SMIM36: variants seen among roughly 807,000 people sequenced by gnomAD.
SMIM36 encodes the protein small integral membrane protein 36.
the SMIM36 span, among the ~76,000 whole-genome samples, chr17:55,522,845 A>T: frequency 6.6e-6 from 1 of 152,162 alleles, no homozygotes; most frequent in African/African-American, 2.4e-5. Context: ...AGTTCCATGA[A>T]GGCAGGAAGT....
chr17:55,501,805 C>G (rs1292158465), intron 1 of SMIM36, among the ~76,000 whole-genome samples: 1 of 151,324 alleles, frequency 6.6e-6, no homozygotes, highest in Non-Finnish European at 1.5e-5. Flanking sequence ...TTCTGCATTT[C>G]CATCTGAGGT....
intron 1 of SMIM36, among the ~76,000 whole-genome samples, chr17:55,493,486 G>A (rs1015605671): frequency 7.2e-5 from 11 of 152,136 alleles, no homozygotes; most frequent in African/African-American, 2.7e-4. Flanking sequence ...CTATTTTCCT[G>A]ATAGTTCAGT....
intron 1 of SMIM36, among the ~76,000 whole-genome samples, chr17:55,490,552 T>G (rs1224999296): frequency 2.0e-5 from 3 of 152,160 alleles, no homozygotes; most frequent in Non-Finnish European, 4.4e-5. Context: ...TGATATGGTC[T>G]CAGAGTGAGA....
intron 1 of SMIM36, among the ~76,000 whole-genome samples, chr17:55,485,204 G>C (rs1013780883): frequency 2.6e-5 from 4 of 152,162 alleles, no homozygotes; most frequent in African/African-American, 9.7e-5. Context: ...ATTTTATGGA[G>C]ACTGTCTACC....
chr17:55,507,291 C>T (rs1365434883), intron 1 of SMIM36, among the ~76,000 whole-genome samples: 94 of 91,858 alleles, frequency 1.0e-3, no homozygotes, highest in African/African-American at 2.7e-3. Flanking sequence ...ATGTTTATTG[C>T]GGCATTATTC....
intron 1 of SMIM36, among the ~76,000 whole-genome samples, chr17:55,489,791 T>G (rs1314584089): frequency 1.3e-5 from 2 of 152,214 alleles, no homozygotes; most frequent in East Asian, 3.8e-4. Flanking sequence ...CTATGGCTCT[T>G]ATCAAAAGTC....
chr17:55,484,697 A>T (rs931265041), intron 1 of SMIM36, among the ~76,000 whole-genome samples: 1 of 152,212 alleles, frequency 6.6e-6, no homozygotes, highest in Non-Finnish European at 1.5e-5. Context: ...CAAAAAGACA[A>T]ACTCCCAATG....
intron 3 of SMIM36, among the ~76,000 whole-genome samples, chr17:55,478,557 A>C (rs1410248139): frequency 6.6e-6 from 1 of 152,112 alleles, no homozygotes; most frequent in Non-Finnish European, 1.5e-5. Context: ...TTAGTCTTAG[A>C]TCTCCAACCA....
chr17:55,494,276 G>C (rs1909768407), intron 1 of SMIM36, among the ~76,000 whole-genome samples: 1 of 152,074 alleles, frequency 6.6e-6, no homozygotes, highest in Non-Finnish European at 1.5e-5. Flanking sequence ...AAGAACACAG[G>C]GGAAAGGACT....
upstream of SMIM36, among the ~76,000 whole-genome samples, chr17:55,516,356 C>A (rs1910276756): frequency 6.6e-6 from 1 of 152,150 alleles, no homozygotes; most frequent in African/African-American, 2.4e-5. Flanking sequence ...TCAAATTCAT[C>A]ATTCTTGAGC....
At chr17:55,463,771 A>G (rs1053097785) in intron 4 of SMIM36, among the ~76,000 whole-genome samples, 1 of 151,880 alleles carries the variant, frequency 6.6e-6, no homozygotes, top group Non-Finnish European at 1.5e-5. Flanking sequence ...TTTTCTCCCC[A>G]AAGTAGGTAC....
At chr17:55,522,573 A>G in the SMIM36 span, among the ~76,000 whole-genome samples, 1 of 152,202 alleles carries the variant, frequency 6.6e-6, no homozygotes, top group South Asian at 2.1e-4. Context: ...ATGAGACTTA[A>G]TCAGTACCAT....
intron 1 of SMIM36, among the ~76,000 whole-genome samples, chr17:55,484,551 G>A (rs1185005495): frequency 2.0e-5 from 3 of 152,126 alleles, no homozygotes; most frequent in African/African-American, 7.2e-5. Context: ...AAACCTCCCA[G>A]TACAAGGATA....
chr17:55,473,378 C>A (rs1909374261), intron 3 of SMIM36, among the ~76,000 whole-genome samples: 1 of 152,166 alleles, frequency 6.6e-6, no homozygotes, highest in Non-Finnish European at 1.5e-5. Flanking sequence ...TGGATCGACA[C>A]CTCCACCAGA....
chr17:55,487,216 G>C (rs2143286141), intron 1 of SMIM36, among the ~76,000 whole-genome samples: 1 of 152,148 alleles, frequency 6.6e-6, no homozygotes, highest in Admixed American at 6.5e-5. Context: ...GTGGGGGGTA[G>C]GGGGAGGGAT....
chr17:55,459,308 C>T (rs1165302622), intron 4 of SMIM36, among the ~76,000 whole-genome samples: 1 of 152,168 alleles, frequency 6.6e-6, no homozygotes, highest in Non-Finnish European at 1.5e-5. Context: ...TGAGTCATCT[C>T]TCCAGAGAGT....
the SMIM36 span, among the ~76,000 whole-genome samples, chr17:55,523,105 G>C: frequency 6.6e-6 from 1 of 152,152 alleles, no homozygotes; most frequent in Admixed American, 6.5e-5. Context: ...CCTAACCTCA[G>C]AATGTGACTG....
chr17:55,503,266 TAATTGTCAGATTCACCAA>T lies in SMIM36; in HGVS notation c.*174+7595_*174+7612del, dbSNP rs1224012085. On this transcript the variant is annotated intron_variant, in intron 1 of 4. Coordinates refer to ENST00000636752, the Ensembl canonical transcript of SMIM36. ...TCGAGAAGAGCAACTCCAAGACACA[TAATTGTCAGATTCACCAA>T]AGTTGAAATGAAGGAAAAAATGTTA... Among the ~76,000 whole-genome samples the T allele has an allele frequency of 1.2e-4, 12 of 96,122 alleles. No homozygotes were observed. In the Admixed American group the frequency reaches 1.4e-3, roughly 11 times the overall value. The allele number at this position is 96,122 out of a possible 152,430, so 63.1% of individuals were successfully genotyped here.
chr17:55,488,456 T>C (rs17819212), intron 1 of SMIM36, among the ~76,000 whole-genome samples: 46,618 of 152,158 alleles, frequency 0.31, 8,340 homozygotes, highest in South Asian at 0.41. Flanking sequence ...GGTTTAATAC[T>C]GTGCATGCAA....
Sources: allele counts gnomAD v4.1 joint callset (sites outside exome capture counted in the v4.1 genomes callset), GRCh38; gene constraint gnomAD v4.1.1; transcripts MANE v1.5; gene names NCBI Gene and HGNC (gene_info 2026-07-23, HGNC 2026-07-21).